DACH1: variants seen among roughly 807,000 people sequenced by gnomAD.
The protein encoded by DACH1 is dachshund family transcription factor 1, also known as dachshund homolog 1.
DACH1 carries 12 observed loss-of-function variants against 54.2 expected under a neutral mutation model. The ratio of observed to expected loss-of-function variants is 0.22; its 90% CI spans 0.14 to 0.36. DACH1 has a LOEUF of 0.36. DACH1 is among the 10% of genes least tolerant of loss of function. DACH1 has a pLI of 1.00. For missense variants in DACH1, 805 were observed against 929.8 expected (o/e 0.87, Z 1.75); for synonymous variants, 386 against 366.2 (o/e 1.05, Z -0.62).
intron 3 of DACH1, among the ~76,000 whole-genome samples, chr13:71,602,450 A>T (rs1474478550): frequency 6.6e-6 from 1 of 151,914 alleles, no homozygotes; most frequent in Non-Finnish European, 1.5e-5. Flanking sequence ...TATCAAAGCC[A>T]TCTACACCCA....
At chr13:71,673,809 G>A (rs7989956) in intron 2 of DACH1, among the ~76,000 whole-genome samples, 131,771 of 152,188 alleles carry the variant, frequency 0.87, 57,942 homozygotes, top group African/African-American at 0.93. Flanking sequence ...TTCTATAAAT[G>A]TCACTTCTCT....
chr13:71,679,331 G>A (rs185303000), intron 2 of DACH1, among the ~76,000 whole-genome samples: 8 of 152,218 alleles, frequency 5.3e-5, no homozygotes, highest in Admixed American at 4.6e-4. Flanking sequence ...TTACTTACCC[G>A]AAAGTTACTT....
chr13:71,440,514 A>G lies in DACH1; in HGVS notation c.*141T>C. The G allele has an allele frequency of 1.6e-6, 1 of 618,390 alleles. No homozygotes were observed. The highest frequency in any genetic ancestry group is 2.7e-6 in the Non-Finnish European group (1 of 365,684). 38.3% of individuals were successfully genotyped at this position (618,390 alleles called of 1,614,324 possible). A position where few individuals can be genotyped will look rare whatever the true frequency, so the allele number is the denominator to read the frequency against. ...AAAACTTTTTTTTTTTTTGTAGAAT[A>G]CTTAAACTTTTAAAGAACATTAATA... On this transcript the variant is annotated 3_prime_UTR_variant, in exon 11 of 11. Coordinates refer to ENST00000613252, the MANE Select transcript of DACH1 (RefSeq NM_080759.6).
At chr13:71,551,151 C>T (rs1055989358) in intron 6 of DACH1, among the ~76,000 whole-genome samples, 8 of 151,524 alleles carry the variant, frequency 5.3e-5, no homozygotes, top group Admixed American at 5.3e-4. Flanking sequence ...AGAAAAAAGC[C>T]ATTTGTTTAC....
intron 4 of DACH1, among the ~76,000 whole-genome samples, chr13:71,571,438 G>A (rs886472434): frequency 1.3e-5 from 2 of 152,022 alleles, no homozygotes; most frequent in Non-Finnish European, 2.9e-5. Context: ...GTGATATCTT[G>A]CTTATTGAAT....
intron 2 of DACH1, among the ~76,000 whole-genome samples, chr13:71,659,419 A>G (rs1051646440): frequency 6.6e-5 from 10 of 152,168 alleles, no homozygotes; most frequent in African/African-American, 2.2e-4. Context: ...TCCAATGATG[A>G]AGTCCCATCT....
At chr13:71,455,293 G>C (rs1875458646) in intron 10 of DACH1, among the ~76,000 whole-genome samples, 1 of 151,722 alleles carries the variant, frequency 6.6e-6, no homozygotes, top group African/African-American at 2.4e-5. Context: ...CATATATAGA[G>C]ATAGATAGAT....
intron 6 of DACH1, among the ~76,000 whole-genome samples, chr13:71,502,418 T>C (rs1224926864): frequency 2.0e-5 from 3 of 152,160 alleles, no homozygotes; most frequent in Non-Finnish European, 4.4e-5. Context: ...GAATATCTCT[T>C]TGGAAATTTC....
intron 2 of DACH1, among the ~76,000 whole-genome samples, chr13:71,631,256 G>A (rs1877078827): frequency 6.6e-6 from 1 of 152,084 alleles, no homozygotes; most frequent in South Asian, 2.1e-4. Flanking sequence ...CTTGCCCTAT[G>A]ACAAACATTT....
At chr13:71,693,208 CTT>C (rs1055875327) in intron 1 of DACH1, among the ~76,000 whole-genome samples, 5 of 149,144 alleles carry the variant, frequency 3.4e-5, no homozygotes, top group Non-Finnish European at 5.9e-5. Flanking sequence ...GGTAAAGTAA[CTT>C]TAAAAGTTAG....
At chr13:71,510,640 A>C (rs967000917) in intron 6 of DACH1, among the ~76,000 whole-genome samples, 3 of 152,014 alleles carry the variant, frequency 2.0e-5, no homozygotes, top group Non-Finnish European at 2.9e-5. Context: ...TCATGCCATT[A>C]ATATATTTTT....
intron 1 of DACH1, among the ~76,000 whole-genome samples, chr13:71,856,490 T>C (rs1874011741): frequency 6.6e-6 from 1 of 151,992 alleles, no homozygotes; most frequent in Non-Finnish European, 1.5e-5. Flanking sequence ...TGAAACTATT[T>C]TCACTTACTT....
At chr13:71,702,142 A>G (rs923195445) in intron 1 of DACH1, among the ~76,000 whole-genome samples, 12 of 152,198 alleles carry the variant, frequency 7.9e-5, no homozygotes, top group African/African-American at 2.7e-4. Context: ...CAAGAAATGT[A>G]TACACCAAGC....
At chr13:71,741,502 C>T (rs1225144272) in intron 1 of DACH1, among the ~76,000 whole-genome samples, 1 of 152,080 alleles carries the variant, frequency 6.6e-6, no homozygotes, top group African/African-American at 2.4e-5. Context: ...CTACAATCCA[C>T]TTCTTTATTT....
At chr13:71,686,465 C>T (rs1036809717) in intron 1 of DACH1, among the ~76,000 whole-genome samples, 1 of 152,124 alleles carries the variant, frequency 6.6e-6, no homozygotes, top group Admixed American at 6.5e-5. Context: ...CAGTCTCTCT[C>T]CTACAACTGT....
chr13:71,825,232 A>G (rs1307602282), intron 1 of DACH1, among the ~76,000 whole-genome samples: 1 of 152,104 alleles, frequency 6.6e-6, no homozygotes, highest in African/African-American at 2.4e-5. Flanking sequence ...TAAAAAATAA[A>G]CTGCACAGGT....
intron 6 of DACH1, among the ~76,000 whole-genome samples, chr13:71,494,311 C>T (rs539116956): frequency 1.3e-5 from 2 of 151,782 alleles, no homozygotes; most frequent in Admixed American, 6.6e-5. Flanking sequence ...GAAACCATTG[C>T]GATTTTCAAT....
At chr13:71,611,659 A>C (rs1485207304) in intron 3 of DACH1, among the ~76,000 whole-genome samples, 1 of 152,186 alleles carries the variant, frequency 6.6e-6, no homozygotes, top group Non-Finnish European at 1.5e-5. Context: ...GTATTGCTTC[A>C]TTTATTTTTT....
At position 71,438,712 on chromosome 13, in the gene DACH1, C is replaced by A. The variant is rs1172955436; in HGVS notation, c.*1943G>T. On this transcript the variant is annotated 3_prime_UTR_variant, in exon 11 of 11. Coordinates refer to ENST00000613252, the MANE Select transcript of DACH1 (RefSeq NM_080759.6). The stretch of plus-strand genomic sequence containing the variant: ...AATGTATGATGCAAAAAGCTTGACA[C>A]AAGTCCATTCAATTTTAAGTGTTGT... The A allele has an allele frequency of 6.6e-6, 1 of 152,404 alleles. No homozygotes were observed. Among genetic ancestry groups the A allele is most frequent in the Non-Finnish European group, 1.5e-5 (1 of 67,886 alleles). 9.4% of individuals were successfully genotyped at this position (152,404 alleles called of 1,614,324 possible).
Sources: allele counts gnomAD v4.1 joint callset (sites outside exome capture counted in the v4.1 genomes callset), GRCh38; gene constraint gnomAD v4.1.1; transcripts MANE v1.5; gene names NCBI Gene and HGNC (gene_info 2026-07-23, HGNC 2026-07-21).